Variants in NIPSNAP3B observed in about 807,000 individuals in gnomAD.
The protein encoded by NIPSNAP3B is nipsnap homolog 3B.
In NIPSNAP3B, 30 loss-of-function variants were observed where a neutral mutation model predicts 31.5. The ratio of observed to expected loss-of-function variants is 0.95; its 90% CI spans 0.71 to 1.29. The LOEUF is 1.29. NIPSNAP3B is among the 50% of genes most tolerant of loss of function. The probability of loss-of-function intolerance (pLI) is 0.00; values close to 1 mark genes in which losing one functional copy is unlikely to be tolerated. For synonymous variants in NIPSNAP3B, 106 were observed against 107.9 expected, an observed-to-expected ratio of 0.98 and a Z score of 0.11; for missense variants, 269 against 300.7, an observed-to-expected ratio of 0.89 and a Z score of 0.78.
rs773823328 is a variant in NIPSNAP3B at position 104,775,697 on chromosome 9, A to G, written c.*2624A>G. On this transcript the variant is annotated 3_prime_UTR_variant, in exon 6 of 6. Coordinates refer to ENST00000374762, the MANE Select transcript of NIPSNAP3B (RefSeq NM_018376.4). ...TCCCCACACCTCCACCTGAATGTCT[A>G]TTAGAAATCTCACACCCCTCTTGTC... 1.3e-5 allele frequency among the ~76,000 whole-genome samples: 2 copies of G among 152,132 alleles called. No homozygotes were observed. Among genetic ancestry groups the G allele is most frequent in the Non-Finnish European group, 2.9e-5 (2 of 68,026 alleles).
At chr9:104,790,821 A>G in the NIPSNAP3B span, 1 of 832,690 alleles carries the variant, frequency 1.2e-6, no homozygotes, top group African/African-American at 1.7e-5. Context: ...CATTTTTATG[A>G]ACTCTAAAAA....
At chr9:104,769,644 G>A (rs1828168827) in intron 3 of NIPSNAP3B, among the ~76,000 whole-genome samples, 1 of 152,144 alleles carries the variant, frequency 6.6e-6, no homozygotes, top group Non-Finnish European at 1.5e-5. Flanking sequence ...TGGGAGCTAG[G>A]AAAACAGGTG....
chr9:104,780,356 T>A (rs376543178), downstream of NIPSNAP3B, among the ~76,000 whole-genome samples: 11 of 152,316 alleles, frequency 7.2e-5, no homozygotes, highest in East Asian at 7.7e-4. Flanking sequence ...CAGCCTCTTG[T>A]ACTTCCTCAA....
In NIPSNAP3B at chr9:104,772,644, A is replaced by G. The variant is rs556579662; in HGVS notation, c.581-178A>G. On this transcript the variant is annotated intron_variant, in intron 4 of 5. Coordinates refer to ENST00000374762, the MANE Select transcript of NIPSNAP3B (RefSeq NM_018376.4). ...CTCTTCAGCCTTATGTTTCCAGTTT[A>G]ACTTATAAATTTATCTTCCAAATTT... Among the ~76,000 whole-genome samples, 26 of 152,268 alleles carry G rather than the reference A, an allele frequency of 1.7e-4. 1 individual carries two copies. Among genetic ancestry groups the G allele is most frequent in the South Asian group, 1.7e-3 (8 of 4,830 alleles).
chr9:104,774,869 G>A lies in NIPSNAP3B; in HGVS notation c.*1796G>A, dbSNP rs1040230098. 1.3e-5 allele frequency among the ~76,000 whole-genome samples: 2 copies of A among 151,678 alleles called. No homozygotes were observed. Among genetic ancestry groups the A allele is most frequent in the Non-Finnish European group, 2.9e-5 (2 of 67,938 alleles). ...TTTTATTCATTCTTTCATTCTCTTC[G>A]ATGACTCCCAGCACCTGCGCGTCCA... is the stretch of plus-strand genomic sequence containing the variant. On this transcript the variant is annotated 3_prime_UTR_variant, in exon 6 of 6. Coordinates refer to ENST00000374762, the MANE Select transcript of NIPSNAP3B (RefSeq NM_018376.4).
At chr9:104,778,479 G>A (rs1038085978), downstream of NIPSNAP3B, among the ~76,000 whole-genome samples, 2 of 152,016 alleles carry the variant, frequency 1.3e-5, no homozygotes, top group East Asian at 1.9e-4. Flanking sequence ...CACCCGTCTC[G>A]GCCTCCCAAA....
intron 3 of NIPSNAP3B, among the ~76,000 whole-genome samples, chr9:104,769,701 T>A (rs1046471483): frequency 2.0e-5 from 3 of 152,148 alleles, no homozygotes; most frequent in Admixed American, 1.3e-4. Flanking sequence ...AGTTTTAAAA[T>A]GTATAAACTT....
At position 104,770,830 on chromosome 9, in the gene NIPSNAP3B, A is replaced by AT. The variant is rs1215856602; in HGVS notation, c.431-14dup. The AT allele has an allele frequency of 6.2e-7, 1 of 1,607,676 alleles. No individual in the cohort carries two copies. Among genetic ancestry groups the AT allele is most frequent in the South Asian group, 1.1e-5 (1 of 90,448 alleles). On this transcript the variant is annotated intron_variant, in intron 3 of 5. Transcript: ENST00000374762. ...TTTGAATGTCTTCTGTGAAATAATTATTTTTCTCCCTATTCTAGGAGTCTA... is the reference window on the plus strand; with the variant it reads ...TTTGAATGTCTTCTGTGAAATAATTATTTTTTCTCCCTATTCTAGGAGTCTA...
At chr9:104,788,193 A>G in the NIPSNAP3B span, 3 of 1,182,002 alleles carry the variant, frequency 2.5e-6, no homozygotes, top group South Asian at 3.7e-5. Flanking sequence ...TGAGGAGCCA[A>G]AGCAGGGAGA....
At chr9:104,768,817 C>T (rs1304229962) in intron 2 of NIPSNAP3B, 46 bp from the exon 3 acceptor site, 8 of 1,536,028 alleles carry the variant, frequency 5.2e-6, no homozygotes, top group Non-Finnish European at 6.2e-6. Flanking sequence ...AAAATATGGG[C>T]GATTTTAAAT....
intron 1 of NIPSNAP3B, among the ~76,000 whole-genome samples, 164 bp downstream of exon 1, chr9:104,764,464 G>A (rs988276017): frequency 2.0e-5 from 3 of 152,234 alleles, no homozygotes; most frequent in Non-Finnish European, 4.4e-5. Flanking sequence ...GCGCAAGGAG[G>A]AGGCTACAGG....
chr9:104,790,816 T>G, the NIPSNAP3B span: 1 of 817,452 alleles, frequency 1.2e-6, no homozygotes, highest in East Asian at 2.5e-5. Context: ...TTCAACATTT[T>G]TATGAACTCT....
At position 104,764,265 on chromosome 9, in the gene NIPSNAP3B, A is replaced by C. The variant is rs138477608; in HGVS notation, c.25A>C (p.Thr9Pro). The C allele has an allele frequency of 1.3e-5, 20 of 1,599,582 alleles. No homozygotes were observed. The highest frequency in any genetic ancestry group is 1.7e-5 in the Admixed American group (1 of 58,176). The change falls in exon 1 of 6, where the codon ACC becomes CCC. Residue 9 changes from threonine (T) to proline (P), a missense_variant. Physicochemically the swap from Thr to Pro is conservative, Grantham distance 38 (BLOSUM62 -1). Coordinates refer to ENST00000374762, the MANE Select transcript of NIPSNAP3B (RefSeq NM_018376.4). ...CATGCTCGTTCTCAGAAGCGGCCTG[A>C]CCAAGGCGCTTGCCTCACGGACGCT... is the stretch of plus-strand genomic sequence containing the variant. MLVLRSGL[T>P]KALASRTLAP...
At chr9:104,788,798 T>C in the NIPSNAP3B span, among the ~76,000 whole-genome samples, 1 of 152,180 alleles carries the variant, frequency 6.6e-6, no homozygotes, top group African/African-American at 2.4e-5. Context: ...CTCTGAACAC[T>C]TCAGTCTGCA....
chr9:104,790,259 C>T, the NIPSNAP3B span, among the ~76,000 whole-genome samples: 3 of 152,074 alleles, frequency 2.0e-5, no homozygotes, highest in Admixed American at 2.0e-4. Flanking sequence ...TTTGTATGCT[C>T]TTTAGAGAGG....
chr9:104,770,081 C>T (rs571310388), intron 3 of NIPSNAP3B, among the ~76,000 whole-genome samples: 1 of 152,198 alleles, frequency 6.6e-6, no homozygotes, highest in East Asian at 1.9e-4. Context: ...CTTAAAACTC[C>T]CCTTAACTTT....
At position 104,776,130 on chromosome 9, in the gene NIPSNAP3B, T is replaced by G. The variant is rs561179723; in HGVS notation, c.*3057T>G. Among the ~76,000 whole-genome samples the G allele has an allele frequency of 5.9e-5, 9 of 152,306 alleles. 1 individual carries two copies. In the South Asian group the frequency reaches 1.7e-3, roughly 28 times the overall value. On this transcript the variant is annotated 3_prime_UTR_variant, in exon 6 of 6. Coordinates refer to ENST00000374762, the MANE Select transcript of NIPSNAP3B (RefSeq NM_018376.4). ...GCCTCTAACTGTGGTCTACAAGTCT[T>G]TACATGATCTGTCCTGTTACATTTT... is the stretch of plus-strand genomic sequence containing the variant.
At chr9:104,784,275 T>C in the NIPSNAP3B span, 22 of 1,612,574 alleles carry the variant, frequency 1.4e-5, no homozygotes, top group Non-Finnish European at 1.6e-5. Flanking sequence ...GAAAGTCTAG[T>C]TCCTCTTTAC....
rs539424834 is a variant in NIPSNAP3B, at chr9:104,776,557, ACTT to A, written c.*3489_*3491del. Among the ~76,000 whole-genome samples, 10 of 152,212 alleles carry A rather than the reference ACTT, an allele frequency of 6.6e-5. No homozygotes were observed. In the East Asian group the frequency reaches 1.7e-3, roughly 26 times the overall value. ...AACCAGAATGTAAGCCTTCACCAGA[ACTT>A]CTTCATGCTGGCACCCTGGTCTTAG... On this transcript the variant is annotated 3_prime_UTR_variant, in exon 6 of 6. Transcript: ENST00000374762.
Sources: allele counts gnomAD v4.1 joint callset (sites outside exome capture counted in the v4.1 genomes callset), GRCh38; gene constraint gnomAD v4.1.1; transcripts MANE v1.5; gene names NCBI Gene and HGNC (gene_info 2026-07-23, HGNC 2026-07-21).